The following ALMS1 variants were observed in gnomAD, a reference collection of about 807,000 sequenced individuals.
ALMS1 encodes ALMS1 centrosome and basal body associated protein, also known as centrosome-associated protein ALMS1.
A neutral mutation model predicts 352.2 loss-of-function variants in ALMS1; 271 were observed. That is an observed-to-expected ratio of 0.77 (90% CI 0.70 to 0.85). The LOEUF (loss-of-function observed/expected upper bound fraction) is 0.85. ALMS1 is among the 40% of genes least tolerant of loss of function. The probability of loss-of-function intolerance (pLI) is 0.00; values close to 1 mark genes in which losing one functional copy is unlikely to be tolerated. For synonymous variants in ALMS1, 1,865 were observed against 1,761.2 expected (o/e 1.06, Z -1.48); for missense variants, 5,445 against 4,870.7 (o/e 1.12, Z -3.51).
intron 21 of ALMS1, among the ~76,000 whole-genome samples, chr2:73,604,822 G>A (rs945356108): frequency 2.0e-5 from 3 of 152,190 alleles, no homozygotes; most frequent in African/African-American, 7.2e-5. Context: ...TGATGCAAGA[G>A]AAATGGGGAG....
chr2:73,597,360 C>T (rs1428983603), intron 16 of ALMS1, among the ~76,000 whole-genome samples: 5 of 152,012 alleles, frequency 3.3e-5, no homozygotes, highest in Admixed American at 3.3e-4. Context: ...AAAATCATGT[C>T]ATTTGTAAAT....
chr2:73,532,599 T>G (rs1174732966), intron 11 of ALMS1, among the ~76,000 whole-genome samples: 6 of 152,042 alleles, frequency 3.9e-5, no homozygotes, highest in Non-Finnish European at 8.8e-5. Context: ...TGAATGCTTC[T>G]AGGCCTGGAA....
chr2:73,594,809 A>G (rs1675511424), intron 16 of ALMS1, among the ~76,000 whole-genome samples: 2 of 151,708 alleles, frequency 1.3e-5, no homozygotes, highest in Admixed American at 1.3e-4. Context: ...TCAGGTCTTC[A>G]CTCCATGAAC....
chr2:73,529,843 A>G (rs536302353), intron 11 of ALMS1, among the ~76,000 whole-genome samples: 1 of 152,154 alleles, frequency 6.6e-6, no homozygotes, highest in Non-Finnish European at 1.5e-5. Flanking sequence ...AGGGAAAGCA[A>G]GGCACGTCTT....
At chr2:73,395,080 T>TATATATA (rs1367871804) in intron 1 of ALMS1, among the ~76,000 whole-genome samples, 1 of 108,626 alleles carries the variant, frequency 9.2e-6, no homozygotes, top group South Asian at 3.0e-4. Flanking sequence ...ATATATATAT[T>TATATATA]TTTTTTTTTT....
chr2:73,582,627 C>G (rs186011213), intron 16 of ALMS1, among the ~76,000 whole-genome samples: 15 of 152,262 alleles, frequency 9.9e-5, no homozygotes, highest in Admixed American at 8.5e-4. Flanking sequence ...GCAGATTTGT[C>G]TTTTTGTGAC....
intron 2 of ALMS1, among the ~76,000 whole-genome samples, chr2:73,417,185 A>G (rs1164029674): frequency 1.3e-5 from 2 of 152,178 alleles, no homozygotes. Flanking sequence ...AATTCAAGAA[A>G]TAGAGAAAAA....
At chr2:73,401,001 G>C (rs910068800) in intron 1 of ALMS1, among the ~76,000 whole-genome samples, 18 of 152,242 alleles carry the variant, frequency 1.2e-4, no homozygotes, top group African/African-American at 4.3e-4. Context: ...TGGCCAGGCT[G>C]GTCTCAAACT....
chr2:73,508,141 CCCTTTCCTTTCCTTT>C (rs376391271), intron 10 of ALMS1, among the ~76,000 whole-genome samples: 1 of 146,598 alleles, frequency 6.8e-6, no homozygotes, highest in Admixed American at 6.9e-5. Context: ...CTTTCCCTTT[CCCTTTCCTTTCCTTT>C]CCTTTCCTTT....
chr2:73,470,955 C>T lies in ALMS1; in HGVS notation c.7674+15660C>T, dbSNP rs1672453903. 3 of 151,798 alleles carry T rather than the reference C, an allele frequency of 2.0e-5. No homozygotes were observed. The South Asian group carries it at 6.2e-4, about 31-fold the overall frequency. 9.4% of individuals were successfully genotyped at this position (151,798 alleles called of 1,614,324 possible). A position where few individuals can be genotyped will look rare whatever the true frequency, so the allele number is the denominator to read the frequency against. ...TGCTATCTGCATGGAATATATTTTC[C>T]TATTCCTTCACTTTTAGCCTGTGTG... On this transcript the variant is annotated intron_variant, in intron 9 of 22. Coordinates refer to ENST00000613296, the MANE Select transcript of ALMS1 (RefSeq NM_001378454.1).
rs149451950 is a variant in ALMS1, at chr2:73,393,960, A to G, written c.324+7768A>G. Among the ~76,000 whole-genome samples the G allele has an allele frequency of 6.2e-3, 944 of 151,944 alleles. 11 individuals carry two copies. The highest frequency in any genetic ancestry group is 0.022 in the African/African-American group (891 of 41,418). ...CTCAGCCTACCAAGTAGCTGGAACT[A>G]CAGGCACATGCCACCATGCCTGGCT... On this transcript the variant is annotated intron_variant, in intron 1 of 22. Transcript: ENST00000613296.
rs1362437306 is a variant in ALMS1 at position 73,482,914 on chromosome 2, C to T, written c.7675-6720C>T. Among the ~76,000 whole-genome samples the T allele has an allele frequency of 9.9e-5, 15 of 152,206 alleles. No individual in the cohort carries two copies. In the South Asian group the frequency reaches 2.3e-3, roughly 23 times the overall value. The stretch of plus-strand genomic sequence containing the variant: ...ATGGTAGTTTGTATTTCTGTGGGAT[C>T]GGTGGTGATATCCCCTTTATCATTT... On this transcript the variant is annotated intron_variant, in intron 9 of 22. Transcript: ENST00000613296.
At chr2:73,466,007 A>G (rs1052283841) in intron 9 of ALMS1, among the ~76,000 whole-genome samples, 1 of 6,502 alleles carries the variant, frequency 1.5e-4, no homozygotes, top group African/African-American at 7.3e-4. Context: ...GAGGATGTGG[A>G]GAAATAGGAA....
intron 11 of ALMS1, among the ~76,000 whole-genome samples, chr2:73,524,937 A>G (rs1369452957): frequency 6.6e-6 from 1 of 152,084 alleles, no homozygotes; most frequent in East Asian, 1.9e-4. Flanking sequence ...ATGTGTGTCC[A>G]TGAATTCAGT....
intron 11 of ALMS1, among the ~76,000 whole-genome samples, chr2:73,527,720 A>G (rs1673821975): frequency 6.6e-6 from 1 of 151,518 alleles, no homozygotes; most frequent in Non-Finnish European, 1.5e-5. Flanking sequence ...TTTTTGTTTC[A>G]TTTTGCGATG....
At chr2:73,484,173 G>A (rs960596972) in intron 9 of ALMS1, among the ~76,000 whole-genome samples, 9 of 151,780 alleles carry the variant, frequency 5.9e-5, no homozygotes, top group Admixed American at 3.3e-4. Flanking sequence ...TAGTCTTGAT[G>A]GTCTTTACAT....
chr2:73,460,317 TG>T lies in ALMS1; in HGVS notation c.7674+5023del, dbSNP rs1672161977. On this transcript the variant is annotated intron_variant, in intron 9 of 22. Transcript: ENST00000613296. ...AACAATGAATGGTGATATATTAGGA[TG>T]ATACCTTCAGTGTGCTGAAAGAAAA... is the stretch of plus-strand genomic sequence containing the variant. Among the ~76,000 whole-genome samples the T allele has an allele frequency of 2.0e-5, 3 of 152,362 alleles. No homozygotes were observed. In the South Asian group the frequency reaches 6.2e-4, roughly 32 times the overall value.
chr2:73,490,418 GTC>G lies in ALMS1; in HGVS notation c.8460_8461del (p.Ser2820ArgfsTer3). The G allele has an allele frequency of 6.2e-7, 1 of 1,614,152 alleles. No individual in the cohort carries two copies. Among genetic ancestry groups the G allele is most frequent in the Non-Finnish European group, 8.5e-7 (1 of 1,180,028 alleles). On this transcript the variant is annotated frameshift_variant, in exon 10 of 23. Transcript: ENST00000613296. LOFTEE classifies it high-confidence loss of function. ...TTAGAAAGATCAGATTTTACAGGCAGTCATTCTGAGCCCAGTACCAGGGCAAA... is the reference window on the plus strand; with the variant it reads ...TTAGAAAGATCAGATTTTACAGGCAGATTCTGAGCCCAGTACCAGGGCAAA...
At chr2:73,430,964 C>T (rs1196686488) in intron 6 of ALMS1, among the ~76,000 whole-genome samples, 1 of 151,746 alleles carries the variant, frequency 6.6e-6, no homozygotes, top group African/African-American at 2.4e-5. Context: ...GAGAAGTTTC[C>T]TGTAGGAGTG....
Sources: gnomAD v4.1 joint callset for allele counts (sites outside exome capture counted in the v4.1 genomes callset) on GRCh38, gnomAD v4.1.1 for gene constraint, MANE v1.5 for transcripts, NCBI Gene and HGNC (gene_info 2026-07-23, HGNC 2026-07-21) for gene names.